The following XKR9 variants were observed in gnomAD, a reference collection of about 807,000 sequenced individuals.
XKR9 encodes XK related 9.
A neutral mutation model predicts 32.0 loss-of-function variants in XKR9; 32 were observed. The observed-to-expected ratio is 1.00, with a 90% CI of 0.76 to 1.34. The LOEUF is 1.34. Among genes scored for constraint, XKR9 ranks in the 40% most tolerant of loss-of-function variants. XKR9 has a pLI of 0.00. For synonymous variants in XKR9, 168 were observed against 143.4 expected, an observed-to-expected ratio of 1.17 and a Z score of -1.22; for missense variants, 546 against 429.7, an observed-to-expected ratio of 1.27 and a Z score of -2.39.
the XKR9 span, among the ~76,000 whole-genome samples, chr8:70,814,406 A>G: frequency 6.6e-6 from 1 of 152,090 alleles, no homozygotes; most frequent in Non-Finnish European, 1.5e-5. Context: ...ACAAACCTGC[A>G]CATTGTGCAC....
chr8:70,951,705 C>T, the XKR9 span, among the ~76,000 whole-genome samples: 2 of 152,158 alleles, frequency 1.3e-5, no homozygotes, highest in Non-Finnish European at 2.9e-5. Context: ...CTTAAAAGGC[C>T]ACCCCAAAAT....
chr8:70,805,096 C>G, the XKR9 span, among the ~76,000 whole-genome samples: 1 of 152,250 alleles, frequency 6.6e-6, no homozygotes, highest in East Asian at 1.9e-4. Flanking sequence ...ATTGTCTTAT[C>G]AGAACTGACT....
intron 3 of XKR9, among the ~76,000 whole-genome samples, chr8:70,692,858 G>A (rs1805130611): frequency 6.6e-6 from 1 of 152,172 alleles, no homozygotes; most frequent in Non-Finnish European, 1.5e-5. Context: ...CGGATTACAA[G>A]TGTGAGCCAC....
chr8:71,017,333 A>G, the XKR9 span, among the ~76,000 whole-genome samples: 1 of 152,230 alleles, frequency 6.6e-6, no homozygotes, highest in Non-Finnish European at 1.5e-5. Flanking sequence ...TAACCAGTTC[A>G]CAACAGTGAG....
In XKR9 at chr8:70,677,414, C is replaced by T. The variant is rs147431309; in HGVS notation, c.-279+2515C>T. On this transcript the variant is annotated intron_variant, in intron 2 of 4. Coordinates refer to ENST00000408926, the MANE Select transcript of XKR9 (RefSeq NM_001011720.2). ...CTGCCTGGCTCAGCCTCCCAAAGTG[C>T]TGAGATTACAGGCGTGAGCTACTGC... Among the ~76,000 whole-genome samples, 124 of 152,282 alleles carry T rather than the reference C, an allele frequency of 8.1e-4. 3 individuals carry two copies. In the East Asian group the frequency reaches 0.022, roughly 27 times the overall value.
At chr8:70,817,405 A>T in the XKR9 span, among the ~76,000 whole-genome samples, 35 of 152,146 alleles carry the variant, frequency 2.3e-4, no homozygotes, top group Non-Finnish European at 4.4e-4. Flanking sequence ...AATACCTAGG[A>T]ATACATCTAA....
chr8:70,771,207 C>T (rs1395427342), intron 2 of XKR9, among the ~76,000 whole-genome samples: 1 of 152,126 alleles, frequency 6.6e-6, no homozygotes, highest in Non-Finnish European at 1.5e-5. Context: ...GAGGCAACAC[C>T]CCACCCTGCT....
chr8:70,883,065 T>C, the XKR9 span, among the ~76,000 whole-genome samples: 1 of 151,938 alleles, frequency 6.6e-6, no homozygotes, highest in African/African-American at 2.4e-5. Context: ...TGAAATTTAA[T>C]GCACCTGTCA....
At chr8:70,702,548 T>G (rs971271580) in intron 3 of XKR9, among the ~76,000 whole-genome samples, 1 of 152,160 alleles carries the variant, frequency 6.6e-6, no homozygotes, top group Non-Finnish European at 1.5e-5. Flanking sequence ...GAATGCGGAT[T>G]TATCTTTTTC....
chr8:70,696,812 T>C (rs1805296464), intron 3 of XKR9, among the ~76,000 whole-genome samples: 1 of 151,744 alleles, frequency 6.6e-6, no homozygotes, highest in African/African-American at 2.4e-5. Context: ...TTCCTATCCA[T>C]GAGCATGGAA....
the XKR9 span, among the ~76,000 whole-genome samples, chr8:70,810,225 C>T: frequency 6.6e-6 from 1 of 152,180 alleles, no homozygotes; most frequent in Non-Finnish European, 1.5e-5. Flanking sequence ...AAATACTTTA[C>T]AGACAAGCAA....
chr8:70,857,115 A>G, the XKR9 span, among the ~76,000 whole-genome samples: 624 of 152,334 alleles, frequency 4.1e-3, 6 homozygotes, highest in African/African-American at 0.014. Flanking sequence ...GCAAGAAATA[A>G]CTAAGAGCAG....
the XKR9 span, among the ~76,000 whole-genome samples, chr8:70,845,799 A>G: frequency 6.6e-6 from 1 of 152,174 alleles, no homozygotes; most frequent in Middle Eastern, 3.2e-3. Context: ...CCCATGTGAC[A>G]TATATGACAT....
At chr8:70,819,141 G>A in the XKR9 span, among the ~76,000 whole-genome samples, 5 of 152,244 alleles carry the variant, frequency 3.3e-5, no homozygotes, top group East Asian at 5.8e-4. Context: ...GTTCTTTCAC[G>A]CCCTTGAGCT....
At chr8:70,905,817 C>G in the XKR9 span, among the ~76,000 whole-genome samples, 2 of 152,106 alleles carry the variant, frequency 1.3e-5, no homozygotes, top group Non-Finnish European at 2.9e-5. Flanking sequence ...GTGTGGATGT[C>G]CTTTCTGTTT....
At chr8:70,778,631 TG>T (rs1586894985) in intron 2 of XKR9, among the ~76,000 whole-genome samples, 1 of 152,152 alleles carries the variant, frequency 6.6e-6, no homozygotes, top group East Asian at 1.9e-4. Flanking sequence ...TGCTGAGCAG[TG>T]GTTTGTAGTT....
the XKR9 span, among the ~76,000 whole-genome samples, chr8:71,025,522 G>A: frequency 1.4e-4 from 22 of 152,178 alleles, no homozygotes; most frequent in African/African-American, 3.4e-4. Context: ...GCAATAAAAC[G>A]CCATTTAAGC....
the XKR9 span, among the ~76,000 whole-genome samples, chr8:70,977,291 G>A: frequency 1.4e-4 from 21 of 151,950 alleles, no homozygotes; most frequent in South Asian, 2.1e-4. Context: ...GTTTTTGAAC[G>A]TGTTTGCTCT....
chr8:70,706,494 GA>G (rs1420511312), intron 3 of XKR9, among the ~76,000 whole-genome samples: 1 of 152,060 alleles, frequency 6.6e-6, no homozygotes, highest in Non-Finnish European at 1.5e-5. Context: ...TTGCATGAAT[GA>G]AAAATTGCAG....
Sources: gnomAD v4.1 joint callset for allele counts (sites outside exome capture counted in the v4.1 genomes callset) on GRCh38, gnomAD v4.1.1 for gene constraint, MANE v1.5 for transcripts, NCBI Gene and HGNC (gene_info 2026-07-23, HGNC 2026-07-21) for gene names.